Variants in MKLN1 observed in about 807,000 individuals in gnomAD.
MKLN1 encodes the protein muskelin 1, also known as muskelin.
A neutral mutation model predicts 99.0 loss-of-function variants in MKLN1; 18 were observed. The ratio of observed to expected loss-of-function variants is 0.18; its 90% CI spans 0.13 to 0.27. The LOEUF is 0.27. Among genes scored for constraint, MKLN1 ranks in the 10% least tolerant of loss-of-function variants. The pLI, the probability that MKLN1 is intolerant of heterozygous loss-of-function variation, is 1.00. For synonymous variants in MKLN1, 288 were observed against 293.2 expected (o/e 0.98, Z 0.18); for missense variants, 621 against 875.9 (o/e 0.71, Z 3.67).
chr7:131,167,687 T>A lies in MKLN1; in HGVS notation c.-297+24746T>A, dbSNP rs905527640. 5.7e-4 allele frequency among the ~76,000 whole-genome samples: 71 copies of A among 125,304 alleles called. 1 individual carries two copies. Among genetic ancestry groups the A allele is most frequent in the Middle Eastern group, 3.8e-3 (1 of 260 alleles). 82.2% of individuals were successfully genotyped at this position (125,304 alleles called of 152,430 possible). ...ACTCTGTCTCAAAAAAAAAAAAAAA[T>A]AATGTGGAAAAGAAAACACACAGAA... On this transcript the variant is annotated intron_variant, in intron 2 of 7. Transcript: ENST00000416992.
intron 6 of MKLN1, among the ~76,000 whole-genome samples, chr7:131,409,890 A>G (rs1273682843): frequency 6.6e-6 from 1 of 152,148 alleles, no homozygotes; most frequent in Non-Finnish European, 1.5e-5. Flanking sequence ...TCATTATAGA[A>G]TTGACTGCAT....
chr7:131,457,781 C>T (rs1235716172), intron 12 of MKLN1, among the ~76,000 whole-genome samples: 2 of 151,842 alleles, frequency 1.3e-5, no homozygotes, highest in Non-Finnish European at 2.9e-5. Context: ...CCAGGCTTGG[C>T]GGCGCATGTC....
intron 10 of MKLN1, among the ~76,000 whole-genome samples, chr7:131,438,280 TATA>T (rs1795730878): frequency 6.6e-6 from 1 of 152,036 alleles, no homozygotes; most frequent in Admixed American, 6.6e-5. Context: ...AATTTAGTTT[TATA>T]ATACATATGC....
intron 2 of MKLN1, among the ~76,000 whole-genome samples, chr7:131,165,129 A>G (rs1796105156): frequency 6.6e-6 from 1 of 152,026 alleles, no homozygotes. Flanking sequence ...GGATCCCGGA[A>G]GTGTGGGTAG....
intron 1 of MKLN1, among the ~76,000 whole-genome samples, chr7:131,130,079 G>A (rs1795527068): frequency 6.6e-6 from 1 of 152,120 alleles, no homozygotes; most frequent in Non-Finnish European, 1.5e-5. Context: ...TGGGAGCCAA[G>A]GTGAATGATG....
intron 9 of MKLN1, among the ~76,000 whole-genome samples, chr7:131,436,848 T>C (rs775671281): frequency 3.9e-5 from 6 of 152,202 alleles, no homozygotes; most frequent in Non-Finnish European, 1.5e-5. Flanking sequence ...ATTGATAATA[T>C]ACTGTTCTTA....
chr7:131,485,754 C>T (rs945191086), intron 17 of MKLN1, among the ~76,000 whole-genome samples: 1 of 152,012 alleles, frequency 6.6e-6, no homozygotes, highest in African/African-American at 2.4e-5. Flanking sequence ...CAACACATTC[C>T]ACTCATAAGT....
chr7:131,286,174 T>C (rs1266895862), intron 3 of MKLN1, among the ~76,000 whole-genome samples: 1 of 152,220 alleles, frequency 6.6e-6, no homozygotes, highest in Non-Finnish European at 1.5e-5. Flanking sequence ...GGTCTCGAAC[T>C]CCTGATCTCA....
chr7:131,423,256 A>G (rs1181696889), intron 8 of MKLN1, among the ~76,000 whole-genome samples: 1 of 152,216 alleles, frequency 6.6e-6, no homozygotes, highest in African/African-American at 2.4e-5. Flanking sequence ...GTCACTTGGA[A>G]GAGCCTTTCT....
At chr7:131,291,470 T>G (rs1301120992) in intron 3 of MKLN1, among the ~76,000 whole-genome samples, 1 of 151,620 alleles carries the variant, frequency 6.6e-6, no homozygotes, top group African/African-American at 2.4e-5. Context: ...TTCTCATTTG[T>G]GATATGTAGT....
chr7:131,325,261 T>C (rs867902300), upstream of MKLN1, among the ~76,000 whole-genome samples: 2 of 152,004 alleles, frequency 1.3e-5, no homozygotes, highest in Non-Finnish European at 1.5e-5. Context: ...TTAAAATATA[T>C]TGTGATGTGT....
At chr7:131,218,052 A>C (rs1224127611) in intron 3 of MKLN1, among the ~76,000 whole-genome samples, 1 of 152,104 alleles carries the variant, frequency 6.6e-6, no homozygotes, top group Non-Finnish European at 1.5e-5. Context: ...GGAATGGGGA[A>C]TGCTGATTGG....
At chr7:131,120,539 ACTCCCT>A in intron 1 of MKLN1, among the ~76,000 whole-genome samples, 1 of 71,492 alleles carries the variant, frequency 1.4e-5, no homozygotes, top group African/African-American at 5.7e-5. Context: ...ACAGAGCAAG[ACTCCCT>A]CTCAAAAAAA....
At position 131,286,242 on chromosome 7, in the gene MKLN1, G is replaced by A. The variant is rs551165818; in HGVS notation, c.-179+83268G>A. ...TGGGATTACAGGTGTGAGCCACTGC[G>A]CCTGGCCAATGGACTATATTTTAAC... On this transcript the variant is annotated intron_variant, in intron 3 of 7. Transcript: ENST00000416992. Among the ~76,000 whole-genome samples the A allele has an allele frequency of 7.8e-4, 118 of 152,234 alleles. 1 individual carries two copies. Among genetic ancestry groups the A allele is most frequent in the South Asian group, 3.3e-3 (16 of 4,824 alleles).
At chr7:131,276,815 C>T (rs1797981992) in intron 3 of MKLN1, among the ~76,000 whole-genome samples, 1 of 152,186 alleles carries the variant, frequency 6.6e-6, no homozygotes, top group Non-Finnish European at 1.5e-5. Flanking sequence ...TCACAAAAGA[C>T]AGTGAAGGAG....
chr7:131,338,032 A>G (rs908910253), intron 1 of MKLN1, among the ~76,000 whole-genome samples: 7 of 152,138 alleles, frequency 4.6e-5, no homozygotes, highest in Non-Finnish European at 1.0e-4. Context: ...ACCTTGTTCT[A>G]CCTGTAGTTT....
At chr7:131,439,573 A>G (rs1357443836) in intron 10 of MKLN1, among the ~76,000 whole-genome samples, 1 of 152,200 alleles carries the variant, frequency 6.6e-6, no homozygotes, top group Admixed American at 6.5e-5. Flanking sequence ...AAATAAAGCT[A>G]TAAGTTAGAA....
At chr7:131,152,848 C>T (rs1406363313) in intron 2 of MKLN1, among the ~76,000 whole-genome samples, 1 of 151,934 alleles carries the variant, frequency 6.6e-6, no homozygotes, top group Non-Finnish European at 1.5e-5. Flanking sequence ...CCTTAAATCT[C>T]TTTTAATTTA....
chr7:131,449,421 CT>C (rs1475200003), intron 12 of MKLN1, among the ~76,000 whole-genome samples: 9 of 152,130 alleles, frequency 5.9e-5, no homozygotes, highest in African/African-American at 9.7e-5. Flanking sequence ...AATACCACTT[CT>C]TTGTCTAGGT....
Sources: allele counts gnomAD v4.1 joint callset (sites outside exome capture counted in the v4.1 genomes callset), GRCh38; gene constraint gnomAD v4.1.1; transcripts MANE v1.5; gene names NCBI Gene and HGNC (gene_info 2026-07-23, HGNC 2026-07-21).